The following XPO4 variants were observed in gnomAD, a reference collection of about 807,000 sequenced individuals.
XPO4 encodes exportin-4.
XPO4 carries 39 observed loss-of-function variants against 143.0 expected under a neutral mutation model. The ratio of observed to expected loss-of-function variants is 0.27; its 90% CI spans 0.21 to 0.36. The LOEUF (loss-of-function observed/expected upper bound fraction) is 0.36. Ranked by LOEUF, XPO4 falls within the 10% of genes least tolerant of loss-of-function variation. XPO4 has a pLI of 1.00. For synonymous variants in XPO4, 439 were observed against 474.0 expected, an observed-to-expected ratio of 0.93 and a Z score of 0.96; for missense variants, 907 against 1,348.0, an observed-to-expected ratio of 0.67 and a Z score of 5.12.
In XPO4 at chr13:20,808,592, AG is replaced by A. The variant is rs770204417; in HGVS notation, c.1494-12del. 1 of 1,531,666 alleles carries A rather than the reference AG, an allele frequency of 6.5e-7. No homozygotes were observed. Among genetic ancestry groups the A allele is most frequent in the South Asian group, 1.3e-5 (1 of 78,528 alleles). The allele number at this position is 1,531,666 out of a possible 1,614,324, so 94.9% of individuals were successfully genotyped here. On this transcript the variant is annotated splice_polypyrimidine_tract_variant and intron_variant, in intron 11 of 22. Coordinates refer to ENST00000255305, the MANE Select transcript of XPO4 (RefSeq NM_022459.5). ...CTTTCTTCTAATAAACTAAAAGAGA[AG>A]AAAACAGTAGCTTCATAAAGTTCAA...
intron 18 of XPO4, among the ~76,000 whole-genome samples, chr13:20,792,302 C>A (rs748460967): frequency 3.9e-5 from 6 of 152,172 alleles, no homozygotes; most frequent in Non-Finnish European, 5.9e-5. Flanking sequence ...AAAAAATTAG[C>A]CAGGCCTGGG....
At chr13:20,882,614 G>A (rs564437282) in intron 1 of XPO4, among the ~76,000 whole-genome samples, 174 of 152,226 alleles carry the variant, frequency 1.1e-3, no homozygotes, top group Non-Finnish European at 2.1e-3. Flanking sequence ...TTGGCCAGGC[G>A]CAGTGGCTCA....
chr13:20,884,003 T>C (rs570841658), intron 1 of XPO4, among the ~76,000 whole-genome samples: 2 of 152,298 alleles, frequency 1.3e-5, no homozygotes, highest in Admixed American at 1.3e-4. Flanking sequence ...CAACCTCAGG[T>C]GATCCGCATG....
At chr13:20,806,510 ATGT>A (rs1199329792) in intron 13 of XPO4, among the ~76,000 whole-genome samples, 1 of 121,200 alleles carries the variant, frequency 8.3e-6, no homozygotes, top group Non-Finnish European at 1.8e-5. Context: ...GAAATTTCAC[ATGT>A]TGTTTTCAAA....
intron 6 of XPO4, among the ~76,000 whole-genome samples, 193 bp from the exon 7 acceptor site, chr13:20,827,372 T>TTG (rs1488328582): frequency 6.6e-6 from 1 of 152,194 alleles, no homozygotes; most frequent in African/African-American, 2.4e-5. Context: ...AAAAAGAATG[T>TTG]TACAGGAATG....
At chr13:20,893,106 T>C (rs1223754729) in intron 1 of XPO4, among the ~76,000 whole-genome samples, 3 of 151,890 alleles carry the variant, frequency 2.0e-5, no homozygotes, top group Admixed American at 6.6e-5. Flanking sequence ...AAAAAGCTAG[T>C]GTGGCTGATG....
chr13:20,848,451 T>TA, intron 4 of XPO4: 1 of 985,392 alleles, frequency 1.0e-6, no homozygotes, highest in African/African-American at 1.7e-5. Flanking sequence ...ATAATTGTCC[T>TA]AAGGCTCAAA....
At chr13:20,902,518 A>G (rs1278672022) in intron 1 of XPO4, 152 bp downstream of exon 1, 2 of 1,331,278 alleles carry the variant, frequency 1.5e-6, no homozygotes, top group Non-Finnish European at 1.9e-6. Flanking sequence ...AGGCTGAAGA[A>G]TCCTGCGCCA....
chr13:20,902,161 G>A (rs1384017433), intron 1 of XPO4: 1 of 985,204 alleles, frequency 1.0e-6, no homozygotes, highest in East Asian at 1.1e-4. Context: ...CGTGCTGCCG[G>A]CTGCAATTAC....
At chr13:20,844,727 T>C (rs750941817) in intron 4 of XPO4, among the ~76,000 whole-genome samples, 2 of 152,236 alleles carry the variant, frequency 1.3e-5, no homozygotes, top group Non-Finnish European at 2.9e-5. Flanking sequence ...CAGATACTTA[T>C]CTTGGCAAAT....
intron 1 of XPO4, among the ~76,000 whole-genome samples, chr13:20,885,878 G>GA (rs1366343807): frequency 2.0e-5 from 3 of 152,132 alleles, no homozygotes; most frequent in Non-Finnish European, 4.4e-5. Context: ...AGCTATCAGA[G>GA]AAAAACAGAA....
chr13:20,798,360 A>C (rs1396812576), intron 16 of XPO4, among the ~76,000 whole-genome samples: 1 of 152,200 alleles, frequency 6.6e-6, no homozygotes, highest in Non-Finnish European at 1.5e-5. Flanking sequence ...CAGAGGCTAC[A>C]GATTTTCCCT....
At chr13:20,883,807 G>A (rs1232395889) in intron 1 of XPO4, among the ~76,000 whole-genome samples, 1 of 152,176 alleles carries the variant, frequency 6.6e-6, no homozygotes, top group Admixed American at 6.5e-5. Context: ...TGCTCTTGTT[G>A]CCCAGGATGG....
rs369192616 is a variant in XPO4, at chr13:20,902,715, G to A, written c.24C>T (p.Pro8=). 7.2e-5 allele frequency: 112 copies of A among 1,565,638 alleles called. No homozygotes were observed. In the African/African-American group the frequency reaches 1.2e-3, roughly 17 times the overall value. The change falls in exon 1 of 23, where the codon CCC becomes CCT. Residue 8 remains proline (P), a synonymous_variant. Transcript: ENST00000255305. ...TCTCCAGCTGAGCGATCACTTCTGG[G>A]GGCCCCAGCGCCGCCGCCATCATGG... The part of the protein sequence containing the change: MMAAALG[P]PEVIAQLENA...
In XPO4 at chr13:20,882,373, G is replaced by C. The variant is rs558388506; in HGVS notation, c.70-13672C>G. Among the ~76,000 whole-genome samples the C allele has an allele frequency of 8.7e-4, 132 of 152,166 alleles. 3 individuals carry two copies. In the South Asian group the frequency reaches 0.026, roughly 30 times the overall value. On this transcript the variant is annotated intron_variant, in intron 1 of 22. Transcript: ENST00000255305. ...CTTTCAATCACGGCAGAGGGCAAAGGGAGAGCCAGCATATCATATGGCAAG... is the reference window on the plus strand; with the variant it reads ...CTTTCAATCACGGCAGAGGGCAAAGCGAGAGCCAGCATATCATATGGCAAG...
chr13:20,858,437 T>C (rs1191214568), intron 3 of XPO4, among the ~76,000 whole-genome samples: 1 of 152,064 alleles, frequency 6.6e-6, no homozygotes, highest in Admixed American at 6.5e-5. Flanking sequence ...GGGTAAAAAA[T>C]GTACATATAC....
At chr13:20,813,292 T>C (rs1030684006) in intron 9 of XPO4, among the ~76,000 whole-genome samples, 1 of 152,096 alleles carries the variant, frequency 6.6e-6, no homozygotes, top group Non-Finnish European at 1.5e-5. Context: ...CTGAAACCCA[T>C]ATAACCAACA....
chr13:20,877,860 A>C (rs961406897), intron 1 of XPO4, among the ~76,000 whole-genome samples: 2 of 152,188 alleles, frequency 1.3e-5, no homozygotes, highest in Non-Finnish European at 2.9e-5. Context: ...GCAAATTAAA[A>C]CAAGGAACTA....
chr13:20,810,636 A>G (rs1021192393), intron 9 of XPO4, among the ~76,000 whole-genome samples: 6 of 152,216 alleles, frequency 3.9e-5, no homozygotes, highest in East Asian at 1.9e-4. Flanking sequence ...AAGGAAACAC[A>G]TGTGGGAAAC....
Sources: gnomAD v4.1 joint callset for allele counts (sites outside exome capture counted in the v4.1 genomes callset) on GRCh38, gnomAD v4.1.1 for gene constraint, MANE v1.5 for transcripts, NCBI Gene and HGNC (gene_info 2026-07-23, HGNC 2026-07-21) for gene names.